FAM174A: variants seen among roughly 807,000 people sequenced by gnomAD.
FAM174A encodes membrane protein FAM174A.
A neutral mutation model predicts 14.3 loss-of-function variants in FAM174A; 14 were observed. The observed-to-expected ratio is 0.98, with a 90% CI of 0.65 to 1.53. The LOEUF is 1.53. Ranked by LOEUF, FAM174A falls within the 40% of genes most tolerant of loss-of-function variation. The pLI, the probability that FAM174A is intolerant of heterozygous loss-of-function variation, is 0.00. For missense variants in FAM174A, 241 were observed against 249.6 expected (o/e 0.97, Z 0.23); for synonymous variants, 108 against 111.4 (o/e 0.97, Z 0.19).
Position 100,535,529 on chromosome 5 carries a change from C to A in FAM174A, c.-2C>A. On this transcript the variant is annotated 5_prime_UTR_variant, in exon 1 of 3. Coordinates refer to ENST00000312637, the MANE Select transcript of FAM174A (RefSeq NM_198507.3). ...GGGTGGTGAGAGAGCGGTCCGGGAACGATGAAGGCCTCGCAGTGCTGCTGC... is the reference window on the plus strand; with the variant it reads ...GGGTGGTGAGAGAGCGGTCCGGGAAAGATGAAGGCCTCGCAGTGCTGCTGC... The A allele has an allele frequency of 6.2e-7, 1 of 1,612,330 alleles. No homozygotes were observed. The highest frequency in any genetic ancestry group is 8.5e-7 in the Non-Finnish European group (1 of 1,179,564).
intron 1 of FAM174A, among the ~76,000 whole-genome samples, chr5:100,540,449 A>G (rs1746027142): frequency 6.6e-6 from 1 of 152,162 alleles, no homozygotes; most frequent in Non-Finnish European, 1.5e-5. Context: ...AGTTTTCCTA[A>G]CATGTGTAAA....
chr5:100,553,788 T>A (rs1003177519), intron 1 of FAM174A, among the ~76,000 whole-genome samples: 1 of 152,146 alleles, frequency 6.6e-6, no homozygotes, highest in African/African-American at 2.4e-5. Flanking sequence ...TGCAGCCAAA[T>A]GTTTAGGCTA....
chr5:100,559,726 C>T (rs898983952), intron 1 of FAM174A, among the ~76,000 whole-genome samples: 5 of 152,120 alleles, frequency 3.3e-5, no homozygotes, highest in African/African-American at 1.2e-4. Context: ...ACCCTTTCTT[C>T]CAGTTGTTCG....
rs377290763 is a variant in FAM174A, at chr5:100,567,482, A to AT, written c.569+5301dup. Among the ~76,000 whole-genome samples the AT allele has an allele frequency of 7.7e-3, 1,166 of 151,846 alleles. 18 individuals carry two copies. The highest frequency in any genetic ancestry group is 0.026 in the African/African-American group (1,098 of 41,480). On this transcript the variant is annotated intron_variant, in intron 2 of 2. Transcript: ENST00000312637. Reference sequence around the variant, plus strand: ...TCAGTTTTCCTTCTATATCTATCTGATTTTTTTCTTCGAGGAGCATATATT... The same window carrying AT: ...TCAGTTTTCCTTCTATATCTATCTGATTTTTTTTCTTCGAGGAGCATATATT...
At chr5:100,576,111 C>A (rs946987079) in intron 2 of FAM174A, among the ~76,000 whole-genome samples, 1 of 151,938 alleles carries the variant, frequency 6.6e-6, no homozygotes, top group African/African-American at 2.4e-5. Flanking sequence ...TTTAATGTGG[C>A]CTTAAATACA....
intron 1 of FAM174A, among the ~76,000 whole-genome samples, chr5:100,560,009 AG>A (rs1470214487): frequency 6.6e-6 from 1 of 151,922 alleles, no homozygotes; most frequent in African/African-American, 2.4e-5. Context: ...GTTCCTTTGG[AG>A]GAGGAGAGGC....
intron 2 of FAM174A, among the ~76,000 whole-genome samples, chr5:100,571,855 T>A (rs1281406616): frequency 6.6e-6 from 1 of 151,848 alleles, no homozygotes; most frequent in African/African-American, 2.4e-5. Context: ...TTTACAACCA[T>A]TTTTACAGCA....
rs541634927 is a variant in FAM174A at position 100,573,255 on chromosome 5, A to C, written c.569+11067A>C. On this transcript the variant is annotated intron_variant, in intron 2 of 2. Transcript: ENST00000312637. ...TTGCTGTGCAGAAGCTCTTTAGTTT[A>C]ATTAGATCCCATTTGTCAATTTTGT... is the stretch of plus-strand genomic sequence containing the variant. Among the ~76,000 whole-genome samples the C allele has an allele frequency of 1.9e-3, 295 of 151,620 alleles. 1 individual carries two copies. The highest frequency in any genetic ancestry group is 4.6e-3 in the African/African-American group (192 of 41,370).
At chr5:100,552,466 C>A (rs1306303503) in intron 1 of FAM174A, among the ~76,000 whole-genome samples, 1 of 150,586 alleles carries the variant, frequency 6.6e-6, no homozygotes, top group Non-Finnish European at 1.5e-5. Context: ...CCTACAGATG[C>A]TTAGTTAAAA....
At chr5:100,536,007 A>T in intron 1 of FAM174A, 43 bp downstream of exon 1, 1 of 1,496,798 alleles carries the variant, frequency 6.7e-7, no homozygotes, top group Non-Finnish European at 9.0e-7. Flanking sequence ...GGCCTGAGAT[A>T]CGCAGGCCGG....
intron 1 of FAM174A, among the ~76,000 whole-genome samples, chr5:100,549,777 A>C (rs1378772133): frequency 6.6e-6 from 1 of 152,070 alleles, no homozygotes; most frequent in Non-Finnish European, 1.5e-5. Context: ...GTTTTTTTAA[A>C]AATATGAAAA....
chr5:100,569,930 T>C (rs962940623), intron 2 of FAM174A, among the ~76,000 whole-genome samples: 1 of 151,888 alleles, frequency 6.6e-6, no homozygotes, highest in Non-Finnish European at 1.5e-5. Context: ...AAATCGGGAA[T>C]AATGCTCTTC....
intron 2 of FAM174A, among the ~76,000 whole-genome samples, chr5:100,577,851 C>T (rs1266079058): frequency 6.6e-6 from 1 of 151,968 alleles, no homozygotes; most frequent in South Asian, 2.1e-4. Context: ...TAATTTTTTC[C>T]AAAATTTTTC....
intron 1 of FAM174A, among the ~76,000 whole-genome samples, chr5:100,558,188 G>A (rs1288803622): frequency 3.3e-5 from 5 of 152,046 alleles, no homozygotes; most frequent in South Asian, 4.1e-4. Context: ...CCTTCATTTC[G>A]TTATGTACCC....
At position 100,583,745 on chromosome 5, in the gene FAM174A, A is replaced by G. The variant is rs73774447; in HGVS notation, c.570-2436A>G. ...ACATCTTGAAACAGTTTCCTCCAGC[A>G]GAACTTACTGTTTTGCACTTGATGG... On this transcript the variant is annotated intron_variant, in intron 2 of 2. Coordinates refer to ENST00000312637, the MANE Select transcript of FAM174A (RefSeq NM_198507.3). Among the ~76,000 whole-genome samples, 371 of 152,264 alleles carry G rather than the reference A, an allele frequency of 2.4e-3. 2 individuals carry two copies. The highest frequency in any genetic ancestry group is 8.8e-3 in the African/African-American group (365 of 41,546).
chr5:100,535,661 G>A lies in FAM174A; in HGVS notation c.131G>A (p.Gly44Glu). 1 of 1,612,542 alleles carries A rather than the reference G, an allele frequency of 6.2e-7. No homozygotes were observed. Among genetic ancestry groups the A allele is most frequent in the Non-Finnish European group, 8.5e-7 (1 of 1,179,892 alleles). ...GCAGCCGAGGCCGCGCCAGGTCTTGGGCCTCCTGACCCTAGACCACGGACA... is the reference window on the plus strand; with the variant it reads ...GCAGCCGAGGCCGCGCCAGGTCTTGAGCCTCCTGACCCTAGACCACGGACA... ...LQAAEAAPGLGPPDPRPRTLP... is the reference protein window; with the variant it reads ...LQAAEAAPGLEPPDPRPRTLP... The change falls in exon 1 of 3, where the codon GGG becomes GAG. Residue 44 changes from glycine (G) to glutamate (E), a missense_variant. Gly to Glu is a moderately conservative substitution (Grantham distance 98). Transcript: ENST00000312637.
At chr5:100,563,788 G>T (rs1431404770) in intron 2 of FAM174A, among the ~76,000 whole-genome samples, 1 of 151,768 alleles carries the variant, frequency 6.6e-6, no homozygotes, top group Non-Finnish European at 1.5e-5. Flanking sequence ...TATTCCAAGT[G>T]TCTTTTCCAA....
rs113914887 is a variant in FAM174A, at chr5:100,535,763, G to A, written c.233G>A (p.Gly78Asp). The A allele has an allele frequency of 1.1e-5, 18 of 1,604,872 alleles. No individual in the cohort carries two copies. The African/African-American group carries it at 1.2e-4, about 11-fold the overall frequency. ...CTGGCTGAAGCTGCGGGGCCGCGGG[G>A]CTCCGAGGGAGGCAATGGCAGCAAC... is the stretch of plus-strand genomic sequence containing the variant. ...RGLAEAAGPR[G>D]SEGGNGSNPV... Residue 78 changes from glycine to aspartate, a missense_variant, in exon 1 of 3, where the codon GGC becomes GAC. Physicochemically the swap from Gly to Asp is moderately conservative, Grantham distance 94. Coordinates refer to ENST00000312637, the MANE Select transcript of FAM174A (RefSeq NM_198507.3).
At chr5:100,567,245 C>G (rs1270648770) in intron 2 of FAM174A, among the ~76,000 whole-genome samples, 1 of 151,724 alleles carries the variant, frequency 6.6e-6, no homozygotes, top group Non-Finnish European at 1.5e-5. Flanking sequence ...AATAAAGTGA[C>G]AGGAACAGCA....
Sources: allele counts gnomAD v4.1 joint callset (sites outside exome capture counted in the v4.1 genomes callset), GRCh38; gene constraint gnomAD v4.1.1; transcripts MANE v1.5; gene names NCBI Gene and HGNC (gene_info 2026-07-23, HGNC 2026-07-21).